PLEKHG3: variants seen among roughly 807,000 people sequenced by gnomAD.
The protein encoded by PLEKHG3 is pleckstrin homology domain-containing family G member 3.
PLEKHG3 carries 62 observed loss-of-function variants against 94.9 expected under a neutral mutation model. The ratio of observed to expected loss-of-function variants is 0.65; its 90% CI spans 0.53 to 0.81. The LOEUF is 0.81. PLEKHG3 is among the 30% of genes least tolerant of loss of function. PLEKHG3 has a pLI of 0.00. For synonymous variants in PLEKHG3, 614 were observed against 654.0 expected (o/e 0.94, Z 0.93); for missense variants, 1,461 against 1,619.3 (o/e 0.90, Z 1.68).
In PLEKHG3 at chr14:64,744,014, A is replaced by G. The variant is rs912459642; in HGVS notation, c.*311A>G. 2.6e-5 allele frequency: 6 copies of G among 226,998 alleles called. No individual in the cohort carries two copies. Among genetic ancestry groups the G allele is most frequent in the Non-Finnish European group, 5.1e-5 (6 of 116,650 alleles). The allele number at this position is 226,998 out of a possible 1,614,324, so 14.1% of individuals were successfully genotyped here. ...TTCCCAGAGAGAGGAAGCTCTGCTC[A>G]GGCCTCCAGCGTTGGCTGGCCATGG... On this transcript the variant is annotated 3_prime_UTR_variant, in exon 17 of 17. Coordinates refer to ENST00000247226, the MANE Select transcript of PLEKHG3 (RefSeq NM_001308147.2).
chr14:64,741,070 A>G lies in PLEKHG3; in HGVS notation c.1553A>G (p.Glu518Gly). The G allele has an allele frequency of 6.2e-7, 1 of 1,605,570 alleles. No homozygotes were observed. Among genetic ancestry groups the G allele is most frequent in the Non-Finnish European group, 8.5e-7 (1 of 1,174,082 alleles). ...EPDPEAGSEQ[E>G]VFSAVEGPSA... ...GACCCTGAGGCTGGGAGTGAGCAAG[A>G]GGTATTTTCTGCTGTGGAAGGGCCC... is the stretch of plus-strand genomic sequence containing the variant. Residue 518 changes from glutamate (E) to glycine (G), a missense_variant, in exon 16 of 17, where the codon GAG (glutamate) becomes GGG (glycine). Glu to Gly is a moderately conservative substitution (Grantham distance 98, BLOSUM62 -2). This residue lies in a region of PLEKHG3 where 1,201 missense variants were observed against 1,295.5 expected (regional missense o/e 0.93). Transcript: ENST00000247226.
rs1043907099 is a variant in PLEKHG3, at chr14:64,738,207, T to G, written c.1405-535T>G. ...GCACTATCGGGCCAACGCTTTACTT[T>G]TCTCCCGGGGCGCTATGGTGAGGTG... On this transcript the variant is annotated intron_variant, in intron 14 of 16. Coordinates refer to ENST00000247226, the MANE Select transcript of PLEKHG3 (RefSeq NM_001308147.2). The surrounding 1 kb of genome is among the most constrained non-coding windows in gnomAD (Gnocchi z 4.8). 2.3e-6 allele frequency: 3 copies of G among 1,288,864 alleles called. No individual in the cohort carries two copies. The highest frequency in any genetic ancestry group is 1.2e-5 in the South Asian group (1 of 81,010). The allele number at this position is 1,288,864 out of a possible 1,614,324, so 79.8% of individuals were successfully genotyped here.
rs1421774152 is a variant in PLEKHG3, at chr14:64,746,108, A to T, written c.*2405A>T. 1 of 152,130 alleles carries T rather than the reference A, an allele frequency of 6.6e-6. No individual in the cohort carries two copies. The highest frequency in any genetic ancestry group is 1.5e-5 in the Non-Finnish European group (1 of 68,056). The allele number at this position is 152,130 out of a possible 1,614,324, so 9.4% of individuals were successfully genotyped here. ...AAGTTGATCAAATGCATGAATGAGC[A>T]AGCTTTTCTTGGAGTTTGTGATGAA... On this transcript the variant is annotated 3_prime_UTR_variant, in exon 17 of 17. Coordinates refer to ENST00000247226, the MANE Select transcript of PLEKHG3 (RefSeq NM_001308147.2). This position sits in a 1 kb window ranked among gnomAD's most constrained non-coding sequence, Gnocchi z 4.9.
In PLEKHG3 at chr14:64,749,110, G is replaced by A. The variant is rs2081898499; in HGVS notation, c.*5407G>A. On this transcript the variant is annotated 3_prime_UTR_variant, in exon 17 of 17. Transcript: ENST00000247226. This position sits in a 1 kb window ranked among gnomAD's most constrained non-coding sequence, Gnocchi z 4.7. ...TGTCCCTGGAGCGGAGCCAGCGCGG[G>A]CGAGGGCATGGAGGGGGCGTCGGCC... 3 of 565,106 alleles carry A rather than the reference G, an allele frequency of 5.3e-6. No homozygotes were observed. The highest frequency in any genetic ancestry group is 8.9e-6 in the Non-Finnish European group (3 of 337,276). 35.0% of individuals were successfully genotyped at this position (565,106 alleles called of 1,614,324 possible).
rs2081799751 is a variant in PLEKHG3 at position 64,744,771 on chromosome 14, A to ATTTGTTTTTTTTTTTTTTTTT, written c.*1071_*1072insGTTTTTTTTTTTTTTTTTTTT. The ATTTGTTTTTTTTTTTTTTTTT allele has an allele frequency of 8.2e-6, 1 of 122,042 alleles. No individual in the cohort carries two copies. Among genetic ancestry groups the ATTTGTTTTTTTTTTTTTTTTT allele is most frequent in the Non-Finnish European group, 1.7e-5 (1 of 60,270 alleles). The allele number at this position is 122,042 out of a possible 1,614,324, so 7.6% of individuals were successfully genotyped here. A position where few individuals can be genotyped will look rare whatever the true frequency, so the allele number is the denominator to read the frequency against. On this transcript the variant is annotated 3_prime_UTR_variant, in exon 17 of 17. Coordinates refer to ENST00000247226, the MANE Select transcript of PLEKHG3 (RefSeq NM_001308147.2). ...CCAGGAAACATCCTAGAAGACAAGGATTTTTTTTTTTTTTTTTTTTGAGAC... is the reference window on the plus strand; with the variant it reads ...CCAGGAAACATCCTAGAAGACAAGGATTTGTTTTTTTTTTTTTTTTTTTTTTTTTTTTTTTTTTTTTGAGAC...
At position 64,716,496 on chromosome 14, in the gene PLEKHG3, A is replaced by AACACACACACACACAACACACACAC. The variant is rs2081160986; in HGVS notation, c.-39-11082_-39-11081insACACACACACACACACACACACACA. Among the ~76,000 whole-genome samples, 1 of 79,500 alleles carries AACACACACACACACAACACACACAC rather than the reference A, an allele frequency of 1.3e-5. No homozygotes were observed. Among genetic ancestry groups the AACACACACACACACAACACACACAC allele is most frequent in the African/African-American group, 5.1e-5 (1 of 19,598 alleles). The allele number at this position is 79,500 out of a possible 152,430, so 52.2% of individuals were successfully genotyped here. ...ACACACACACAACACACACACACAC[A>AACACACACACACACAACACACACAC]ACACACACACACACACACACACACA... On this transcript the variant is annotated intron_variant, in intron 1 of 16. Coordinates refer to ENST00000247226, the MANE Select transcript of PLEKHG3 (RefSeq NM_001308147.2). The surrounding 1 kb of genome is among the most constrained non-coding windows in gnomAD (Gnocchi z 5.0).
rs229626 is a variant in PLEKHG3, at chr14:64,730,408, T to C, written c.519+96T>C. The C allele has an allele frequency of 0.23, 198,895 of 875,142 alleles. 24,612 individuals carry two copies. The highest frequency in any genetic ancestry group is 0.33 in the African/African-American group (20,106 of 60,330). The allele number at this position is 875,142 out of a possible 1,614,324, so 54.2% of individuals were successfully genotyped here. ...AAGAGGACATCTGAGTCCTGGGGAT[T>C]CCTTTCCAGGGAAAGTCCTGGGTGC... is the stretch of plus-strand genomic sequence containing the variant. On this transcript the variant is annotated intron_variant, in intron 4 of 16. Coordinates refer to ENST00000247226, the MANE Select transcript of PLEKHG3 (RefSeq NM_001308147.2). This position sits in a 1 kb window ranked among gnomAD's most constrained non-coding sequence, Gnocchi z 5.4.
chr14:64,710,681 TA>T (rs375855520), intron 1 of PLEKHG3, among the ~76,000 whole-genome samples: 10 of 151,148 alleles, frequency 6.6e-5, no homozygotes, highest in African/African-American at 2.4e-4. Context: ...CAAAAGAAAT[TA>T]AAAAAATAAA....
Position 64,716,236 on chromosome 14 carries a change from C to G in PLEKHG3, c.-39-11357C>G. The G allele has an allele frequency of 2.8e-6, 1 of 357,106 alleles. No individual in the cohort carries two copies. 22.1% of individuals were successfully genotyped at this position (357,106 alleles called of 1,614,324 possible). ...TTTAGGGTAAAAGGCAGGTTTTTCC[C>G]TTGTGGGTTAGACACTGAGGACCAT... is the stretch of plus-strand genomic sequence containing the variant. On this transcript the variant is annotated intron_variant, in intron 1 of 16. Coordinates refer to ENST00000247226, the MANE Select transcript of PLEKHG3 (RefSeq NM_001308147.2). This position sits in a 1 kb window ranked among gnomAD's most constrained non-coding sequence, Gnocchi z 5.0.
At chr14:64,733,366 A>C (rs1237097708) in intron 12 of PLEKHG3, among the ~76,000 whole-genome samples, 1 of 151,728 alleles carries the variant, frequency 6.6e-6, no homozygotes, top group African/African-American at 2.4e-5. Context: ...GGATTTCACT[A>C]TATGTTGGCC....
In PLEKHG3 at chr14:64,716,270, C is replaced by G. The variant is rs1017177009; in HGVS notation, c.-39-11323C>G. On this transcript the variant is annotated intron_variant, in intron 1 of 16. Coordinates refer to ENST00000247226, the MANE Select transcript of PLEKHG3 (RefSeq NM_001308147.2). The surrounding 1 kb of genome is among the most constrained non-coding windows in gnomAD (Gnocchi z 5.0). ...TAGACACTGAGGACCATAAAGGGAG[C>G]AGGCATAGGTGAGCTGCTCTTCTTA... Among the ~76,000 whole-genome samples, 2 of 152,098 alleles carry G rather than the reference C, an allele frequency of 1.3e-5. No individual in the cohort carries two copies. The highest frequency in any genetic ancestry group is 2.9e-5 in the Non-Finnish European group (2 of 68,022).
rs749820950 is a variant in PLEKHG3, at chr14:64,742,164, G to C, written c.2647G>C (p.Glu883Gln). The C allele has an allele frequency of 8.1e-6, 13 of 1,612,394 alleles. No individual in the cohort carries two copies. Among genetic ancestry groups the C allele is most frequent in the Non-Finnish European group, 1.1e-5 (13 of 1,180,002 alleles). The change falls in exon 16 of 17, where the codon GAG becomes CAG. Residue 883 changes from glutamate to glutamine, a missense_variant. Around this residue, in one of 3 missense-constraint regions of PLEKHG3, gnomAD observed 1,201 missense variants for 1,295.5 expected, o/e 0.93. Transcript: ENST00000247226. ...EGRSPAHLARELKELVKELSS... is the reference protein window; with the variant it reads ...EGRSPAHLARQLKELVKELSS... ...GCGCAGCCCGGCCCACCTGGCCCGGGAGCTGAAAGAGCTGGTGAAGGAGCT... is the reference window on the plus strand; with the variant it reads ...GCGCAGCCCGGCCCACCTGGCCCGGCAGCTGAAAGAGCTGGTGAAGGAGCT...
At position 64,726,802 on chromosome 14, in the gene PLEKHG3, A is replaced by G. The variant is rs2081361720; in HGVS notation, c.-39-791A>G. Among the ~76,000 whole-genome samples, 2 of 152,166 alleles carry G rather than the reference A, an allele frequency of 1.3e-5. No individual in the cohort carries two copies. Among genetic ancestry groups the G allele is most frequent in the Admixed American group, 1.3e-4 (2 of 15,280 alleles). On this transcript the variant is annotated intron_variant, in intron 1 of 16. Transcript: ENST00000247226. This position sits in a 1 kb window ranked among gnomAD's most constrained non-coding sequence, Gnocchi z 5.1. Reference sequence around the variant, plus strand: ...GGGTGGGGCTGCGGAGTCGGGGGATAATGCTGGCTCAGCCAGTCAGTATCC... The same window carrying G: ...GGGTGGGGCTGCGGAGTCGGGGGATGATGCTGGCTCAGCCAGTCAGTATCC...
chr14:64,712,550 T>C (rs985333273), intron 1 of PLEKHG3, among the ~76,000 whole-genome samples: 2 of 152,234 alleles, frequency 1.3e-5, no homozygotes, highest in Non-Finnish European at 2.9e-5. Flanking sequence ...GTTAAATATA[T>C]TCCTAAGTAT....
rs1345131911 is a variant in PLEKHG3, at chr14:64,746,710, CAG to C, written c.*3010_*3011del. On this transcript the variant is annotated 3_prime_UTR_variant, in exon 17 of 17. Transcript: ENST00000247226. The surrounding 1 kb of genome is among the most constrained non-coding windows in gnomAD (Gnocchi z 4.9). ...AAGGACCCTCCACACCTCCCACAGCCAGAGTCAGTTGAGGCTGGGACAAAGGG... is the reference window on the plus strand; with the variant it reads ...AAGGACCCTCCACACCTCCCACAGCCAGTCAGTTGAGGCTGGGACAAAGGG... The C allele has an allele frequency of 2.0e-5, 3 of 152,572 alleles. No homozygotes were observed. In the East Asian group the frequency reaches 5.8e-4, roughly 30 times the overall value. 9.5% of individuals were successfully genotyped at this position (152,572 alleles called of 1,614,324 possible).
intron 3 of PLEKHG3, 118 bp downstream of exon 3, chr14:64,729,211 G>C (rs778876776): frequency 1.8e-6 from 1 of 564,654 alleles, no homozygotes; most frequent in Non-Finnish European, 3.2e-6. Context: ...CCTGGGGCCT[G>C]ATCTCTGAGG....
chr14:64,721,755 G>A lies in PLEKHG3; in HGVS notation c.-39-5838G>A, dbSNP rs1303763371. Among the ~76,000 whole-genome samples, 1 of 152,158 alleles carries A rather than the reference G, an allele frequency of 6.6e-6. No individual in the cohort carries two copies. The highest frequency in any genetic ancestry group is 6.5e-5 in the Admixed American group (1 of 15,282). The stretch of plus-strand genomic sequence containing the variant: ...AGTGAGGAAACTGCTGGGAAAGGGG[G>A]CAAGGGTCCCCTAGGAGGGGGTCCT... On this transcript the variant is annotated intron_variant, in intron 1 of 16. Transcript: ENST00000247226. This position sits in a 1 kb window ranked among gnomAD's most constrained non-coding sequence, Gnocchi z 4.3.
chr14:64,711,227 T>C (rs2081061963), intron 1 of PLEKHG3, among the ~76,000 whole-genome samples: 1 of 152,126 alleles, frequency 6.6e-6, no homozygotes, highest in Non-Finnish European at 1.5e-5. Context: ...CACACTGTTT[T>C]GAAACTCTGC....
rs764027791 is a variant in PLEKHG3, at chr14:64,738,862, G to A, written c.1518+7G>A. The stretch of plus-strand genomic sequence containing the variant: ...CATTTCTTCCCTGCCAGAGGTGAGC[G>A]ACCAGCAGGTGGGATGGGGATAGTA... On this transcript the variant is annotated splice_region_variant and intron_variant, in intron 15 of 16. Coordinates refer to ENST00000247226, the MANE Select transcript of PLEKHG3 (RefSeq NM_001308147.2). The surrounding 1 kb of genome is among the most constrained non-coding windows in gnomAD (Gnocchi z 4.8). 9.7e-6 allele frequency: 15 copies of A among 1,542,276 alleles called. No homozygotes were observed. The highest frequency in any genetic ancestry group is 1.9e-5 in the Admixed American group (1 of 54,000).
Sources: allele counts gnomAD v4.1 joint callset (sites outside exome capture counted in the v4.1 genomes callset), GRCh38; gene constraint gnomAD v4.1.1; regional missense constraint gnomAD v4.1.1; non-coding constraint Gnocchi (gnomAD v3.1); transcripts MANE v1.5; gene names NCBI Gene and HGNC (gene_info 2026-07-23, HGNC 2026-07-21).